Variants in USP36 observed in about 807,000 individuals in gnomAD.
USP36 encodes the protein ubiquitin carboxyl-terminal hydrolase 36.
A neutral mutation model predicts 111.5 loss-of-function variants in USP36; 59 were observed. The ratio of observed to expected loss-of-function variants is 0.53; its 90% CI spans 0.43 to 0.66. USP36 has a LOEUF of 0.66. Among genes scored for constraint, USP36 ranks in the 30% least tolerant of loss-of-function variants. The probability of loss-of-function intolerance (pLI) is 0.00; values close to 1 mark genes in which losing one functional copy is unlikely to be tolerated. For synonymous variants in USP36, 628 were observed against 581.0 expected, an observed-to-expected ratio of 1.08 and a Z score of -1.16; for missense variants, 1,488 against 1,468.0, an observed-to-expected ratio of 1.01 and a Z score of -0.22.
intron 17 of USP36, 84 bp from the exon 18 acceptor site, chr17:78,799,852 CAACTTACAGTAAGTGG>C: frequency 2.3e-6 from 1 of 439,914 alleles, no homozygotes; most frequent in Non-Finnish European, 4.0e-6. Flanking sequence ...AATTATAAAA[CAACTTACAGTAAGTGG>C]ATGCTTGCCT....
chr17:78,790,731 G>A (rs2093576476), downstream of USP36, among the ~76,000 whole-genome samples: 1 of 152,174 alleles, frequency 6.6e-6, no homozygotes, highest in African/African-American at 2.4e-5. Context: ...ACTGGTTTAT[G>A]TAAAAGAACT....
At chr17:78,812,531 T>A (rs1450156837) in intron 13 of USP36, among the ~76,000 whole-genome samples, 1 of 150,072 alleles carries the variant, frequency 6.7e-6, no homozygotes, top group African/African-American at 2.5e-5. Context: ...CTACTAAAAA[T>A]ACAAAAAAAA....
chr17:78,821,969 T>C lies in USP36; in HGVS notation c.725A>G (p.His242Arg), dbSNP rs970486568. The C allele has an allele frequency of 7.4e-6, 12 of 1,614,002 alleles. No individual in the cohort carries two copies. Among genetic ancestry groups the C allele is most frequent in the South Asian group, 1.1e-5 (1 of 91,082 alleles). ...DRQTQATTLV[H>R]QIFGGYLRSR... ...TCTGAGATACCCTCCAAAAATTTGATGGACCAAGGTAGTAGCCTGCGTTTG... is the reference window on the plus strand; with the variant it reads ...TCTGAGATACCCTCCAAAAATTTGACGGACCAAGGTAGTAGCCTGCGTTTG... Residue 242 changes from histidine to arginine, a missense_variant, in exon 7 of 21, where the codon CAT (histidine) becomes CGT (arginine). By Grantham distance (29) the His-to-Arg change is conservative. This residue lies in a region of USP36 where 196 missense variants were observed against 264.4 expected (regional missense o/e 0.74). Transcript: ENST00000449938.
rs116299579 is a variant in USP36, at chr17:78,829,672, A to C, written c.476-665T>G. Among the ~76,000 whole-genome samples, 403 of 152,358 alleles carry C rather than the reference A, an allele frequency of 2.6e-3. 3 individuals are homozygous for C. Among genetic ancestry groups the C allele is most frequent in the African/African-American group, 9.3e-3 (387 of 41,590 alleles). ...GTTCAATAAAACTTTATTTACACACACAGAGAGCAGGCCAGATGAGTCTGC... is the reference window on the plus strand; with the variant it reads ...GTTCAATAAAACTTTATTTACACACCCAGAGAGCAGGCCAGATGAGTCTGC... On this transcript the variant is annotated intron_variant, in intron 4 of 20. Coordinates refer to ENST00000449938, the MANE Select transcript of USP36 (RefSeq NM_001385174.1).
At chr17:78,821,748 TATTCTAACAA>T (rs2089925578) in intron 7 of USP36, among the ~76,000 whole-genome samples, 179 bp downstream of exon 7, 1 of 151,954 alleles carries the variant, frequency 6.6e-6, no homozygotes, top group African/African-American at 2.4e-5. Flanking sequence ...CTCGTGGGAA[TATTCTAACAA>T]CTGCTCCAGT....
rs942106093 is a variant in USP36 at position 78,838,101 on chromosome 17, C to CA, written c.-10+485dup. On this transcript the variant is annotated intron_variant, in intron 2 of 20. Transcript: ENST00000449938. ...ACATCGTGAGACCCCATCTTTAAAA[C>CA]AAAAAAAATCGTGGCTCACGCCTGT... Among the ~76,000 whole-genome samples, 15 of 148,510 alleles carry CA rather than the reference C, an allele frequency of 1.0e-4. 1 individual carries two copies. Among genetic ancestry groups the CA allele is most frequent in the African/African-American group, 2.7e-4 (11 of 40,308 alleles).
At chr17:78,819,819 T>C in intron 9 of USP36, 111 bp downstream of exon 9, 4 of 1,085,502 alleles carry the variant, frequency 3.7e-6, no homozygotes, top group Admixed American at 2.2e-5. Flanking sequence ...CCTCAAGAAA[T>C]GCGAGCAGCG....
chr17:78,805,864 C>T (rs1409841761), intron 15 of USP36, among the ~76,000 whole-genome samples: 1 of 152,212 alleles, frequency 6.6e-6, no homozygotes, highest in Non-Finnish European at 1.5e-5. Context: ...ACAGGTCAGT[C>T]CCCAGCACAC....
intron 13 of USP36, among the ~76,000 whole-genome samples, chr17:78,808,238 G>A (rs745904699): frequency 1.8e-5 from 2 of 112,730 alleles, no homozygotes; most frequent in Non-Finnish European, 4.6e-5. Flanking sequence ...TTTTATGGGC[G>A]ATAACTCTCA....
chr17:78,807,522 T>C lies in USP36; in HGVS notation c.1522A>G (p.Lys508Glu). 1 of 1,613,684 alleles carries C rather than the reference T, an allele frequency of 6.2e-7. No individual in the cohort carries two copies. Among genetic ancestry groups the C allele is most frequent in the Non-Finnish European group, 8.5e-7 (1 of 1,179,824 alleles). ...GGGGAAGGGGACCCCGAGGGCAGCT[T>C]TGGAGGAATGCAGCCGTTCTGGGAC... ...LKSQNGCIPP[K>E]LPSGSPSPKL... Residue 508 changes from lysine to glutamate, a missense_variant, in exon 14 of 21, where the codon AAG becomes GAG. Transcript: ENST00000449938.
At chr17:78,799,581 A>C in intron 18 of USP36, 86 bp downstream of exon 18, 1 of 1,206,456 alleles carries the variant, frequency 8.3e-7, no homozygotes, top group Non-Finnish European at 1.2e-6. Flanking sequence ...CCACACTCAC[A>C]GTGCACCAGG....
intron 17 of USP36, among the ~76,000 whole-genome samples, chr17:78,801,161 A>G (rs897887483): frequency 2.6e-5 from 4 of 151,894 alleles, no homozygotes; most frequent in Non-Finnish European, 5.9e-5. Context: ...TATTTTTAGT[A>G]GAGACGGGGT....
chr17:78,818,612 T>C (rs1192164354), intron 10 of USP36, 55 bp downstream of exon 10: 1 of 1,504,562 alleles, frequency 6.6e-7, no homozygotes, highest in Admixed American at 1.7e-5. Context: ...TTCGTGTTAT[T>C]CTGATGCCGA....
intron 3 of USP36, among the ~76,000 whole-genome samples, chr17:78,790,136 T>C (rs927092702): frequency 6.6e-6 from 1 of 152,040 alleles, no homozygotes. Context: ...TCATCCAGGC[T>C]GGAGTGCAAT....
rs770689552 is a variant in USP36 at position 78,824,840 on chromosome 17, C to T, written c.689+2405G>A. Among the ~76,000 whole-genome samples the T allele has an allele frequency of 3.3e-5, 5 of 152,270 alleles. No individual in the cohort carries two copies. The South Asian group carries it at 6.2e-4, about 19-fold the overall frequency. ...TCAGAAAGTGACAGCAAGGGGCCGGCGGAAACCCTGCAAAAGCAGGGGCTG... is the reference window on the plus strand; with the variant it reads ...TCAGAAAGTGACAGCAAGGGGCCGGTGGAAACCCTGCAAAAGCAGGGGCTG... On this transcript the variant is annotated intron_variant, in intron 6 of 20. Coordinates refer to ENST00000449938, the MANE Select transcript of USP36 (RefSeq NM_001385174.1).
At chr17:78,814,387 A>G (rs570643623) in intron 11 of USP36, 25 bp downstream of exon 11, 30 of 1,613,082 alleles carry the variant, frequency 1.9e-5, no homozygotes, top group Non-Finnish European at 2.5e-5. Flanking sequence ...CCCAGGAGGC[A>G]GCTGCACTGA....
rs1214803118 is a variant in USP36 at position 78,803,644 on chromosome 17, G to GCTTCTT, written c.2545_2550dup (p.Lys849_Lys850dup). The GCTTCTT allele has an allele frequency of 4.3e-6, 7 of 1,609,676 alleles. No individual in the cohort carries two copies. The African/African-American group carries it at 9.4e-5, about 22-fold the overall frequency. On this transcript the variant is annotated inframe_insertion, in exon 16 of 21. Coordinates refer to ENST00000449938, the MANE Select transcript of USP36 (RefSeq NM_001385174.1). The surrounding 1 kb of genome is among the most constrained non-coding windows in gnomAD (Gnocchi z 4.6). ...GCGCTGGCAGCTGTGTCCTCCGGGCGCTTCTTCTTCTTCCTCTTCCTCTTC... is the reference window on the plus strand; with the variant it reads ...GCGCTGGCAGCTGTGTCCTCCGGGCGCTTCTTCTTCTTCTTCTTCCTCTTCCTCTTC...
At chr17:78,824,413 G>A (rs2067346375) in intron 6 of USP36, among the ~76,000 whole-genome samples, 1 of 152,206 alleles carries the variant, frequency 6.6e-6, no homozygotes, top group African/African-American at 2.4e-5. Context: ...AAACCAGCAG[G>A]CAGCATGGAG....
intron 13 of USP36, among the ~76,000 whole-genome samples, chr17:78,811,216 C>T (rs2094047146): frequency 6.8e-6 from 1 of 146,982 alleles, no homozygotes; most frequent in African/African-American, 2.5e-5. Flanking sequence ...AATGAGGAAA[C>T]TGCTCATGAA....
Sources: allele counts gnomAD v4.1 joint callset (sites outside exome capture counted in the v4.1 genomes callset), GRCh38; gene constraint gnomAD v4.1.1; regional missense constraint gnomAD v4.1.1; non-coding constraint Gnocchi (gnomAD v3.1); transcripts MANE v1.5; gene names NCBI Gene and HGNC (gene_info 2026-07-23, HGNC 2026-07-21).